MARCHF1: variants seen among roughly 807,000 people sequenced by gnomAD.
MARCHF1 encodes the protein membrane associated ring-CH-type finger 1.
In MARCHF1, 40 loss-of-function variants were observed where a neutral mutation model predicts 54.2. The ratio of observed to expected loss-of-function variants is 0.74; its 90% CI spans 0.57 to 0.96. MARCHF1 has a LOEUF of 0.96. Ranked by LOEUF, MARCHF1 falls within the 40% of genes least tolerant of loss-of-function variation. The pLI is 0.00. For missense variants in MARCHF1, 586 were observed against 656.5 expected (o/e 0.89, Z 1.17); for synonymous variants, 236 against 236.3 (o/e 1.00, Z 0.01).
intron 1 of MARCHF1, among the ~76,000 whole-genome samples, chr4:164,265,482 A>C (rs2111291906): frequency 1.0e-5 from 1 of 97,612 alleles, no homozygotes; most frequent in Admixed American, 1.3e-4. Context: ...TATTTGTTGA[A>C]AAGGAATACT....
At chr4:163,658,789 G>C (rs1048900340) in intron 5 of MARCHF1, among the ~76,000 whole-genome samples, 1 of 151,890 alleles carries the variant, frequency 6.6e-6, no homozygotes, top group African/African-American at 2.4e-5. Flanking sequence ...GGGGCCTGAT[G>C]GTCGGGGGAA....
chr4:163,572,671 T>C (rs1040583296), intron 8 of MARCHF1, among the ~76,000 whole-genome samples: 1 of 152,136 alleles, frequency 6.6e-6, no homozygotes, highest in South Asian at 2.1e-4. Context: ...GAATTCCTTA[T>C]AGTAGAAGCA....
intron 3 of MARCHF1, among the ~76,000 whole-genome samples, chr4:163,919,983 A>G (rs1283355526): frequency 1.3e-5 from 2 of 152,164 alleles, no homozygotes; most frequent in African/African-American, 4.8e-5. Flanking sequence ...GGTAGGTGAT[A>G]AGTCTTCTTG....
chr4:164,294,673 A>G (rs893024223), intron 1 of MARCHF1, among the ~76,000 whole-genome samples: 14 of 152,164 alleles, frequency 9.2e-5, no homozygotes, highest in African/African-American at 3.1e-4. Context: ...CATATTATAC[A>G]TCATAATTTA....
At chr4:163,598,655 G>A (rs533233047) in intron 7 of MARCHF1, among the ~76,000 whole-genome samples, 2 of 152,324 alleles carry the variant, frequency 1.3e-5, no homozygotes, top group African/African-American at 4.8e-5. Flanking sequence ...CAGTACACCT[G>A]TATAGTGCAC....
intron 5 of MARCHF1, among the ~76,000 whole-genome samples, chr4:163,699,625 A>C (rs1744743273): frequency 6.6e-6 from 1 of 152,220 alleles, no homozygotes. Flanking sequence ...TCTTCAAAGA[A>C]AGTAATATAA....
chr4:163,645,664 T>C (rs1395544726), intron 5 of MARCHF1, among the ~76,000 whole-genome samples: 4 of 152,130 alleles, frequency 2.6e-5, no homozygotes, highest in Non-Finnish European at 2.9e-5. Flanking sequence ...TTAATAAAGA[T>C]ATAAAGCTGA....
intron 4 of MARCHF1, among the ~76,000 whole-genome samples, chr4:163,758,744 G>C (rs115426358): frequency 2.0e-5 from 3 of 152,112 alleles, no homozygotes; most frequent in African/African-American, 7.2e-5. Context: ...ACTGAATAAC[G>C]TGGGCTTGGT....
intron 4 of MARCHF1, among the ~76,000 whole-genome samples, chr4:163,805,882 C>T (rs1383441747): frequency 6.6e-6 from 1 of 152,152 alleles, no homozygotes; most frequent in Non-Finnish European, 1.5e-5. Flanking sequence ...AATACTCTAC[C>T]CCAATTTTTT....
intron 4 of MARCHF1, among the ~76,000 whole-genome samples, chr4:163,827,487 T>A (rs1465838013): frequency 6.6e-6 from 1 of 152,186 alleles, no homozygotes; most frequent in Non-Finnish European, 1.5e-5. Flanking sequence ...ATTTTCTGAA[T>A]AAATGTGTTT....
chr4:163,895,056 G>GACGC (rs1560808292), intron 3 of MARCHF1, among the ~76,000 whole-genome samples: 2 of 150,808 alleles, frequency 1.3e-5, no homozygotes, highest in Admixed American at 6.6e-5. Flanking sequence ...ATATGCATGT[G>GACGC]ATGCATAAAT....
At chr4:163,570,686 G>A (rs1739813368) in intron 8 of MARCHF1, among the ~76,000 whole-genome samples, 1 of 152,246 alleles carries the variant, frequency 6.6e-6, no homozygotes, top group Non-Finnish European at 1.5e-5. Context: ...TGTTTTGCCT[G>A]AAGAGTTTTT....
At chr4:163,824,478 C>CA (rs1343213495) in intron 4 of MARCHF1, among the ~76,000 whole-genome samples, 1 of 141,602 alleles carries the variant, frequency 7.1e-6, no homozygotes, top group Non-Finnish European at 1.5e-5. Context: ...ACACCTTATA[C>CA]AAAAATCAAT....
chr4:164,050,357 G>A (rs951267648), intron 2 of MARCHF1, among the ~76,000 whole-genome samples: 5 of 148,028 alleles, frequency 3.4e-5, no homozygotes, highest in Non-Finnish European at 4.4e-5. Context: ...CTCTATTAAC[G>A]GCATTTCCAT....
chr4:163,612,281 C>A lies in MARCHF1; in HGVS notation c.1000G>T (p.Glu334Ter). 6.7e-7 allele frequency: 1 copy of A among 1,502,914 alleles called. No individual in the cohort carries two copies. Among genetic ancestry groups the A allele is most frequent in the South Asian group, 1.3e-5 (1 of 77,378 alleles). The allele number at this position is 1,502,914 out of a possible 1,614,324, so 93.1% of individuals were successfully genotyped here. A position where few individuals can be genotyped will look rare whatever the true frequency, so the allele number is the denominator to read the frequency against. ...TCTACAGTGACTGACCTGCATACTT[C>A]TAAATTATCAGACCCATCGTCATAG... is the stretch of plus-strand genomic sequence containing the variant. Reference protein sequence around the residue: ...ATYDDGSDNLEVCRICHCEGD... With the variant: ...ATYDDGSDNL Residue 334 changes from glutamate (E) to a stop codon, truncating the protein, a stop_gained, in exon 7 of 10, where the codon GAA (glutamate) becomes TAA (stop). Transcript: ENST00000514618. LOFTEE classifies it high-confidence loss of function.
At chr4:163,815,260 T>C (rs1419418144) in intron 4 of MARCHF1, among the ~76,000 whole-genome samples, 1 of 152,204 alleles carries the variant, frequency 6.6e-6, no homozygotes, top group Non-Finnish European at 1.5e-5. Context: ...ATGTGCATAC[T>C]ATAAATGTAG....
chr4:163,902,089 AG>A (rs1259945875), intron 3 of MARCHF1, among the ~76,000 whole-genome samples: 1 of 152,192 alleles, frequency 6.6e-6, no homozygotes, highest in Non-Finnish European at 1.5e-5. Flanking sequence ...AAAAATCTAC[AG>A]GGATGGGGAG....
rs141797005 is a variant in MARCHF1, at chr4:164,306,546, C to T, written c.-323+77324G>A. Among the ~76,000 whole-genome samples the T allele has an allele frequency of 4.0e-3, 616 of 152,234 alleles. 4 individuals are homozygous for T. The highest frequency in any genetic ancestry group is 0.013 in the African/African-American group (523 of 41,560). On this transcript the variant is annotated intron_variant, in intron 1 of 9. Coordinates refer to ENST00000514618, the MANE Select transcript of MARCHF1 (RefSeq NM_001394959.1). Reference sequence around the variant, plus strand: ...TGTTTCAAAAAATTATTAGTAGTCACGTGAGTTCAGCCTACCTCTTAGGCC... The same window carrying T: ...TGTTTCAAAAAATTATTAGTAGTCATGTGAGTTCAGCCTACCTCTTAGGCC...
intron 2 of MARCHF1, among the ~76,000 whole-genome samples, chr4:164,108,013 CAG>C (rs1238319463): frequency 2.0e-5 from 3 of 152,072 alleles, no homozygotes; most frequent in Non-Finnish European, 4.4e-5. Context: ...TCCAGTTATT[CAG>C]AGTCTGAAAT....
Sources: gnomAD v4.1 joint callset for allele counts (sites outside exome capture counted in the v4.1 genomes callset) on GRCh38, gnomAD v4.1.1 for gene constraint, MANE v1.5 for transcripts, NCBI Gene and HGNC (gene_info 2026-07-23, HGNC 2026-07-21) for gene names.